PPM1L: variants seen among roughly 807,000 people sequenced by gnomAD.
The protein encoded by PPM1L is protein phosphatase 1L.
PPM1L carries 13 observed loss-of-function variants against 31.4 expected under a neutral mutation model. The observed-to-expected ratio is 0.41, with a 90% CI of 0.27 to 0.66. PPM1L has a LOEUF of 0.66. Among genes scored for constraint, PPM1L ranks in the 30% least tolerant of loss-of-function variants. The pLI, the probability that PPM1L is intolerant of heterozygous loss-of-function variation, is 0.29. For synonymous variants in PPM1L, 184 were observed against 175.4 expected (o/e 1.05, Z -0.39); for missense variants, 326 against 453.7 (o/e 0.72, Z 2.56).
intron 2 of PPM1L, among the ~76,000 whole-genome samples, chr3:161,026,380 A>C (rs1279417050): frequency 6.6e-6 from 1 of 152,254 alleles, no homozygotes; most frequent in Admixed American, 6.5e-5. Flanking sequence ...GTAACATCTT[A>C]GTCAAGCTTT....
At chr3:160,864,961 G>T (rs962102975) in intron 1 of PPM1L, among the ~76,000 whole-genome samples, 1 of 152,194 alleles carries the variant, frequency 6.6e-6, no homozygotes, top group African/African-American at 2.4e-5. Context: ...TGTGTTGTCT[G>T]CAGATGAATT....
intron 1 of PPM1L, among the ~76,000 whole-genome samples, chr3:160,944,768 ATGT>A (rs1376804514): frequency 2.5e-4 from 12 of 47,802 alleles, no homozygotes; most frequent in South Asian, 9.0e-4. Flanking sequence ...TATATATAAC[ATGT>A]TATATATTAT....
intron 2 of PPM1L, among the ~76,000 whole-genome samples, chr3:160,977,215 A>C (rs985270752): frequency 6.6e-6 from 1 of 152,152 alleles, no homozygotes; most frequent in African/African-American, 2.4e-5. Flanking sequence ...GGCTTAGGCC[A>C]TTTCTGATGA....
chr3:160,811,973 G>A (rs1280366313), intron 1 of PPM1L, among the ~76,000 whole-genome samples: 3 of 152,116 alleles, frequency 2.0e-5, no homozygotes, highest in African/African-American at 7.2e-5. Context: ...GCACTGAGTG[G>A]GCATCATTTT....
chr3:160,945,129 C>CATGTTATATATAACATATATGT (rs1715365560), intron 1 of PPM1L, among the ~76,000 whole-genome samples: 210 of 68,906 alleles, frequency 3.0e-3, no homozygotes, highest in African/African-American at 6.0e-3. Flanking sequence ...ATCTATCTAT[C>CATGTTATATATAACATATATGT]TATCTATCTA....
chr3:161,029,497 A>G (rs1718501005), intron 2 of PPM1L, among the ~76,000 whole-genome samples: 1 of 152,260 alleles, frequency 6.6e-6, no homozygotes, highest in Non-Finnish European at 1.5e-5. Flanking sequence ...TTAAACTTTG[A>G]GAAGAAGAAA....
chr3:160,903,208 T>TTGTGTG (rs59232471), intron 1 of PPM1L, among the ~76,000 whole-genome samples: 43,503 of 119,908 alleles, frequency 0.36, 8,361 homozygotes, highest in Non-Finnish European at 0.49. Flanking sequence ...GTGTGTATGT[T>TTGTGTG]TGTGTGTGTG....
At chr3:160,796,692 C>A (rs1712259832) in intron 1 of PPM1L, among the ~76,000 whole-genome samples, 1 of 152,310 alleles carries the variant, frequency 6.6e-6, no homozygotes, top group East Asian at 1.9e-4. Context: ...AAATTTGATT[C>A]TCCCCTTTAC....
At chr3:160,867,543 TC>T (rs1712136887) in intron 1 of PPM1L, among the ~76,000 whole-genome samples, 1 of 152,098 alleles carries the variant, frequency 6.6e-6, no homozygotes, top group Admixed American at 6.6e-5. Context: ...TTCCTTTCCC[TC>T]CTTTTTCCTT....
chr3:160,827,447 T>TTGTGTGTGTGTGTGTGTGTG (rs59524935), intron 1 of PPM1L, among the ~76,000 whole-genome samples: 83 of 141,448 alleles, frequency 5.9e-4, no homozygotes, highest in Admixed American at 2.3e-3. Context: ...TGATATAAGT[T>TTGTGTGTGTGTGTGTGTGTG]TGTGTGTGTG....
rs1322916578 is a variant in PPM1L, at chr3:161,073,860, CATCCCTTTCTTTTATATGAATAATGAGCA to C, written c.*4705_*4733del. On this transcript the variant is annotated 3_prime_UTR_variant, in exon 4 of 4. Transcript: ENST00000498165. ...ACAGGTGTGAGCCACTGCACCCGGC[CATCCCTTTCTTTTATATGAATAATGAGCA>C]AGAGCCCTGCCATAGCTAAATATGT... 3.3e-5 allele frequency: 5 copies of C among 152,224 alleles called. No homozygotes were observed. The highest frequency in any genetic ancestry group is 5.9e-5 in the Non-Finnish European group (4 of 68,050). 9.4% of individuals were successfully genotyped at this position (152,224 alleles called of 1,614,324 possible).
At chr3:161,037,834 A>C (rs964690281) in intron 2 of PPM1L, among the ~76,000 whole-genome samples, 14 of 152,074 alleles carry the variant, frequency 9.2e-5, no homozygotes, top group Non-Finnish European at 1.5e-4. Context: ...TGATCCTCAG[A>C]AACTCTGAGA....
At chr3:160,984,701 G>A (rs1233093744) in intron 2 of PPM1L, among the ~76,000 whole-genome samples, 1 of 152,146 alleles carries the variant, frequency 6.6e-6, no homozygotes. Flanking sequence ...GTCTTACTTA[G>A]TAGAGTGTCA....
intron 2 of PPM1L, among the ~76,000 whole-genome samples, chr3:161,061,582 A>C (rs1359777886): frequency 6.6e-6 from 1 of 152,234 alleles, no homozygotes; most frequent in Non-Finnish European, 1.5e-5. Context: ...AAAACAATAT[A>C]ACATCATACA....
chr3:160,904,377 T>C (rs1321391466), intron 1 of PPM1L, among the ~76,000 whole-genome samples: 1 of 152,224 alleles, frequency 6.6e-6, no homozygotes, highest in Non-Finnish European at 1.5e-5. Flanking sequence ...GTATAATCTT[T>C]ATATGCATTG....
At chr3:161,042,582 T>C (rs537773340) in intron 2 of PPM1L, among the ~76,000 whole-genome samples, 9 of 152,328 alleles carry the variant, frequency 5.9e-5, no homozygotes, top group African/African-American at 1.9e-4. Context: ...TCTATGGGCC[T>C]AGACCAACTC....
chr3:160,916,392 T>A (rs1714183083), intron 1 of PPM1L, among the ~76,000 whole-genome samples: 1 of 152,182 alleles, frequency 6.6e-6, no homozygotes, highest in South Asian at 2.1e-4. Flanking sequence ...ATATAATTTT[T>A]GACCACCGGA....
chr3:160,914,085 T>G (rs1714070130), intron 1 of PPM1L, among the ~76,000 whole-genome samples: 1 of 152,230 alleles, frequency 6.6e-6, no homozygotes, highest in Admixed American at 6.5e-5. Context: ...TCCACATCTT[T>G]GCCAACACTT....
intron 1 of PPM1L, among the ~76,000 whole-genome samples, chr3:160,915,009 A>G (rs548932918): frequency 2.0e-5 from 3 of 152,140 alleles, no homozygotes; most frequent in Non-Finnish European, 4.4e-5. Context: ...GTATCTCTTT[A>G]TGGTTTTGAT....
Sources: gnomAD v4.1 joint callset for allele counts (sites outside exome capture counted in the v4.1 genomes callset) on GRCh38, gnomAD v4.1.1 for gene constraint, MANE v1.5 for transcripts, NCBI Gene and HGNC (gene_info 2026-07-23, HGNC 2026-07-21) for gene names.